The following KIAA1217 variants were observed in gnomAD, a reference collection of about 807,000 sequenced individuals.
KIAA1217 encodes the protein KIAA1217.
KIAA1217 carries 88 observed loss-of-function variants against 163.9 expected under a neutral mutation model. The ratio of observed to expected loss-of-function variants is 0.54; its 90% CI spans 0.45 to 0.64. The LOEUF is 0.64. Among genes scored for constraint, KIAA1217 ranks in the 30% least tolerant of loss-of-function variants. The pLI, the probability that KIAA1217 is intolerant of heterozygous loss-of-function variation, is 0.00. For synonymous variants in KIAA1217, 903 were observed against 923.1 expected (o/e 0.98, Z 0.39); for missense variants, 2,372 against 2,475.0 (o/e 0.96, Z 0.88).
At chr10:24,035,787 G>C (rs1848371730) in intron 2 of KIAA1217, among the ~76,000 whole-genome samples, 1 of 152,222 alleles carries the variant, frequency 6.6e-6, no homozygotes, top group Non-Finnish European at 1.5e-5. Flanking sequence ...TAAACATGGA[G>C]ATTTCATGTG....
intron 2 of KIAA1217, among the ~76,000 whole-genome samples, chr10:24,031,730 T>C (rs1365673667): frequency 2.6e-5 from 4 of 152,224 alleles, no homozygotes; most frequent in Admixed American, 6.5e-5. Flanking sequence ...TTATCACTTA[T>C]GTGTAAAATT....
chr10:24,277,577 C>T (rs2077448801), intron 2 of KIAA1217, among the ~76,000 whole-genome samples: 1 of 152,194 alleles, frequency 6.6e-6, no homozygotes, highest in Non-Finnish European at 1.5e-5. Context: ...CGGTTTTCCC[C>T]ATGCTATTTT....
intron 2 of KIAA1217, among the ~76,000 whole-genome samples, chr10:24,182,438 T>TCTCACACACACACACA (rs2066221318): frequency 6.9e-6 from 1 of 144,868 alleles, no homozygotes; most frequent in Non-Finnish European, 1.5e-5. Flanking sequence ...CAAGACTCCA[T>TCTCACACACACACACA]CACACACACA....
chr10:23,936,539 C>A (rs1843534696), intron 1 of KIAA1217, among the ~76,000 whole-genome samples: 1 of 152,120 alleles, frequency 6.6e-6, no homozygotes, highest in Non-Finnish European at 1.5e-5. Context: ...GATTCAGACA[C>A]AAAGACACAG....
intron 2 of KIAA1217, among the ~76,000 whole-genome samples, chr10:24,169,039 G>C (rs1176678397): frequency 6.6e-6 from 1 of 152,202 alleles, no homozygotes. Context: ...TGGAGAACCA[G>C]GCAGGAAGTG....
chr10:24,020,254 C>G (rs929190079), intron 2 of KIAA1217, among the ~76,000 whole-genome samples: 1 of 152,112 alleles, frequency 6.6e-6, no homozygotes, highest in African/African-American at 2.4e-5. Context: ...ATGGTTGATG[C>G]TGTAGTTTTA....
chr10:24,158,593 G>A, intron 2 of KIAA1217: 1 of 506,856 alleles, frequency 2.0e-6, no homozygotes, highest in Non-Finnish European at 4.0e-6. Flanking sequence ...TGACAGACGT[G>A]CTTTATCATC....
chr10:24,437,088 T>G (rs2060104649), intron 4 of KIAA1217, among the ~76,000 whole-genome samples: 1 of 152,312 alleles, frequency 6.6e-6, no homozygotes, highest in East Asian at 1.9e-4. Flanking sequence ...TCATGCATTT[T>G]AAATACCTCC....
At chr10:24,202,618 T>G (rs1199162186) in intron 2 of KIAA1217, among the ~76,000 whole-genome samples, 1 of 152,132 alleles carries the variant, frequency 6.6e-6, no homozygotes, top group Admixed American at 6.5e-5. Flanking sequence ...CACAGGCGCT[T>G]TCCCCTATCC....
chr10:23,799,320 T>C (rs1219937319), intron 1 of KIAA1217, among the ~76,000 whole-genome samples: 1 of 152,200 alleles, frequency 6.6e-6, no homozygotes, highest in Non-Finnish European at 1.5e-5. Context: ...AACAGACTTG[T>C]AAACCAGTAA....
chr10:24,094,155 G>A (rs529350357), intron 2 of KIAA1217, among the ~76,000 whole-genome samples: 37 of 152,058 alleles, frequency 2.4e-4, no homozygotes, highest in East Asian at 1.6e-3. Context: ...TAGTCCTTTC[G>A]GTATATACCT....
intron 2 of KIAA1217, among the ~76,000 whole-genome samples, chr10:24,340,784 C>A (rs1164480258): frequency 2.6e-5 from 4 of 152,134 alleles, no homozygotes; most frequent in South Asian, 2.1e-4. Flanking sequence ...GACTGCCCCA[C>A]GTTTAATAGA....
At chr10:24,120,873 AGAT>A (rs2063256123) in intron 2 of KIAA1217, among the ~76,000 whole-genome samples, 1 of 152,116 alleles carries the variant, frequency 6.6e-6, no homozygotes, top group African/African-American at 2.4e-5. Context: ...TGGTACAAGG[AGAT>A]GATGATGAGG....
chr10:24,151,039 G>A lies in KIAA1217; in HGVS notation c.-170-68587G>A, dbSNP rs145563420. Among the ~76,000 whole-genome samples the A allele has an allele frequency of 3.2e-3, 481 of 152,224 alleles. 2 individuals are homozygous for A. The highest frequency in any genetic ancestry group is 0.027 in the Middle Eastern group (8 of 294). On this transcript the variant is annotated intron_variant, in intron 2 of 18. Coordinates refer to the KIAA1217 transcript ENST00000376462. ...CTAGAGAAGCTGAAATCTGACTCCC[G>A]TTCTGGGAGACAAAGCTGGAGGAAC...
intron 1 of KIAA1217, among the ~76,000 whole-genome samples, chr10:23,747,873 A>G (rs1259407711): frequency 6.6e-6 from 1 of 152,152 alleles, no homozygotes; most frequent in East Asian, 1.9e-4. Context: ...CCCCAAGAAT[A>G]CAAGCTAGCT....
At chr10:24,135,394 C>CT (rs2063796784) in intron 2 of KIAA1217, among the ~76,000 whole-genome samples, 1 of 152,074 alleles carries the variant, frequency 6.6e-6, no homozygotes, top group African/African-American at 2.4e-5. Context: ...CACCCACCCT[C>CT]TGCCAGTTCC....
In KIAA1217 at chr10:23,703,757, T is replaced by C. The variant is rs117344680; in HGVS notation, c.-321+8523T>C. Among the ~76,000 whole-genome samples the C allele has an allele frequency of 2.5e-4, 38 of 151,628 alleles. No individual in the cohort carries two copies. In the East Asian group the frequency reaches 7.2e-3, roughly 29 times the overall value. ...CCTCCCCTTTTCTTCTTGGTAAATG[T>C]AGAGAAAATAAAAGGTATAGATCAG... On this transcript the variant is annotated intron_variant, in intron 1 of 18. Transcript: ENST00000376462.
At chr10:23,971,875 A>G (rs1240741370) in intron 1 of KIAA1217, among the ~76,000 whole-genome samples, 1 of 152,170 alleles carries the variant, frequency 6.6e-6, no homozygotes, top group African/African-American at 2.4e-5. Context: ...CATCTGCATA[A>G]TAAAAACCCT....
intron 2 of KIAA1217, among the ~76,000 whole-genome samples, chr10:24,153,251 C>G (rs1056199327): frequency 4.6e-5 from 7 of 152,182 alleles, no homozygotes; most frequent in African/African-American, 1.7e-4. Flanking sequence ...TAGGATTCAC[C>G]AACAGCTGAG....
Sources: gnomAD v4.1 joint callset for allele counts (sites outside exome capture counted in the v4.1 genomes callset) on GRCh38, gnomAD v4.1.1 for gene constraint, MANE v1.5 for transcripts, NCBI Gene and HGNC (gene_info 2026-07-23, HGNC 2026-07-21) for gene names.